Variants in DOT1L observed in about 807,000 individuals in gnomAD.
DOT1L encodes DOT1 like histone lysine methyltransferase.
A neutral mutation model predicts 153.3 loss-of-function variants in DOT1L; 33 were observed. The observed-to-expected ratio is 0.22, with a 90% CI of 0.16 to 0.29. The LOEUF is 0.29. DOT1L is among the 10% of genes least tolerant of loss of function. DOT1L has a pLI of 1.00. For synonymous variants in DOT1L, 1,135 were observed against 965.1 expected, an observed-to-expected ratio of 1.18 and a Z score of -3.26; for missense variants, 1,847 against 2,119.9, an observed-to-expected ratio of 0.87 and a Z score of 2.53.
In DOT1L at chr19:2,193,895, C is replaced by A; in HGVS notation, c.588+112C>A. ...GGGACTTCCGAGTCTGGGTGGCGTT[C>A]TTTCCAGGCCCAAGACGTCTTGGTT... On this transcript the variant is annotated intron_variant, in intron 6 of 27. Coordinates refer to ENST00000398665, the MANE Select transcript of DOT1L (RefSeq NM_032482.3). This position sits in a 1 kb window ranked among gnomAD's most constrained non-coding sequence, Gnocchi z 5.9. 8.8e-7 allele frequency: 1 copy of A among 1,136,214 alleles called. No individual in the cohort carries two copies. The highest frequency in any genetic ancestry group is 1.3e-6 in the Non-Finnish European group (1 of 797,628). 70.4% of individuals were successfully genotyped at this position (1,136,214 alleles called of 1,614,324 possible). A position where few individuals can be genotyped will look rare whatever the true frequency, so the allele number is the denominator to read the frequency against.
chr19:2,222,074 T>C lies in DOT1L; in HGVS notation c.2905T>C (p.Ser969Pro). 1 of 1,613,422 alleles carries C rather than the reference T, an allele frequency of 6.2e-7. No homozygotes were observed. Among genetic ancestry groups the C allele is most frequent in the East Asian group, 2.2e-5 (1 of 44,874 alleles). The change falls in exon 24 of 28, where the codon TCC (serine) becomes CCC (proline). Residue 969 changes from serine (S) to proline (P), a missense_variant. Transcript: ENST00000398665. This position sits in a 1 kb window ranked among gnomAD's most constrained non-coding sequence, Gnocchi z 6.5. ...GAEPATLDES[S>P]SSGSLFATVG... The stretch of plus-strand genomic sequence containing the variant: ...CGAGCCGGCCACCTTGGATGAGTCC[T>C]CCAGCTCTGGGAGCCTTTTTGCCAC...
At chr19:2,201,523 C>T (rs1381937315) in intron 8 of DOT1L, among the ~76,000 whole-genome samples, 1 of 152,204 alleles carries the variant, frequency 6.6e-6, no homozygotes, top group Admixed American at 6.5e-5. Context: ...ATGGGGGTTT[C>T]TTTTCCCAAA....
intron 1 of DOT1L, 113 bp from the exon 2 acceptor site, chr19:2,180,600 C>A: frequency 7.6e-7 from 1 of 1,311,604 alleles, no homozygotes; most frequent in South Asian, 1.4e-5. Context: ...GGAGCTGCAC[C>A]AGTTGGGAAA....
chr19:2,216,733 C>T lies in DOT1L; in HGVS notation c.2376C>T (p.Pro792=), dbSNP rs1368748420. ...RRHLSQDHTV[P]GRPAASELHS... ...ACCTGAGCCAGGACCACACGGTGCC[C>T]GGCAGGCCGGCTGCCAGTGAGCTGC... Residue 792 remains proline (P), a synonymous_variant, in exon 20 of 28, where the codon CCC becomes CCT. Coordinates refer to ENST00000398665, the MANE Select transcript of DOT1L (RefSeq NM_032482.3). The T allele has an allele frequency of 2.4e-5, 38 of 1,595,998 alleles. No homozygotes were observed. Among genetic ancestry groups the T allele is most frequent in the Middle Eastern group, 1.7e-4 (1 of 5,846 alleles).
Position 2,220,233 on chromosome 19 carries a change from T to C in DOT1L, c.2806+11T>C, listed in dbSNP as rs780124236. The stretch of plus-strand genomic sequence containing the variant: ...CCCTGGCCCCCGCAGGTAACGCCCC[T>C]CCTGTGCCCTACCCTCAGGACTCTG... On this transcript the variant is annotated intron_variant, in intron 23 of 27. Transcript: ENST00000398665. This position sits in a 1 kb window ranked among gnomAD's most constrained non-coding sequence, Gnocchi z 4.5. The C allele has an allele frequency of 6.2e-7, 1 of 1,608,706 alleles. No homozygotes were observed.
chr19:2,201,460 G>C (rs1026301610), intron 8 of DOT1L, among the ~76,000 whole-genome samples: 1 of 152,160 alleles, frequency 6.6e-6, no homozygotes, highest in African/African-American at 2.4e-5. Context: ...GGGTGTGCTC[G>C]TGGCTTGTGG....
chr19:2,211,240 G>A (rs1294255119), intron 15 of DOT1L, 28 bp downstream of exon 15: 6 of 1,573,704 alleles, frequency 3.8e-6, no homozygotes, highest in Non-Finnish European at 5.2e-6. Flanking sequence ...GTCCGGCGAA[G>A]GGTTCTGGGC....
In DOT1L at chr19:2,177,081, A is replaced by G. The variant is rs549220528; in HGVS notation, c.82-3632A>G. On this transcript the variant is annotated intron_variant, in intron 1 of 27. Coordinates refer to ENST00000398665, the MANE Select transcript of DOT1L (RefSeq NM_032482.3). ...CCAGTGCTTCCGGCTGCACCCTGCA[A>G]CATCCCGCAGCAGTCTGTGGGGGTC... is the stretch of plus-strand genomic sequence containing the variant. Among the ~76,000 whole-genome samples, 120 of 152,266 alleles carry G rather than the reference A, an allele frequency of 7.9e-4. 1 individual carries two copies. Among genetic ancestry groups the G allele is most frequent in the African/African-American group, 2.8e-3 (116 of 41,552 alleles).
intron 2 of DOT1L, among the ~76,000 whole-genome samples, chr19:2,181,820 C>T (rs1003587774): frequency 1.3e-4 from 19 of 151,896 alleles, no homozygotes; most frequent in Admixed American, 3.3e-4. Context: ...ATGCTTCTGG[C>T]GGCCAGCCGC....
chr19:2,207,161 G>T lies in DOT1L; in HGVS notation c.856+364G>T, dbSNP rs1286358741. Among the ~76,000 whole-genome samples the T allele has an allele frequency of 6.6e-6, 1 of 152,212 alleles. No homozygotes were observed. Among genetic ancestry groups the T allele is most frequent in the Non-Finnish European group, 1.5e-5 (1 of 68,024 alleles). The stretch of plus-strand genomic sequence containing the variant: ...CCGGCCCCTCCCATGCCCCCTGCCT[G>T]CCTTACTGTGCTGCGTGCTCTGTCA... On this transcript the variant is annotated intron_variant, in intron 10 of 27. Transcript: ENST00000398665. This position sits in a 1 kb window ranked among gnomAD's most constrained non-coding sequence, Gnocchi z 4.5.
chr19:2,189,611 G>A, intron 3 of DOT1L, 121 bp from the exon 4 acceptor site: 1 of 1,078,384 alleles, frequency 9.3e-7, no homozygotes, highest in Non-Finnish European at 1.4e-6. Flanking sequence ...TTGGCCAGCT[G>A]GCTGGTGGCT....
At chr19:2,201,238 GTCCTCCCCT>G (rs2023266784) in intron 8 of DOT1L, among the ~76,000 whole-genome samples, 1 of 129,754 alleles carries the variant, frequency 7.7e-6, no homozygotes, top group Non-Finnish European at 1.6e-5. Flanking sequence ...TGCATTCCTC[GTCCTCCCCT>G]CATTCCTCGT....
Position 2,193,063 on chromosome 19 carries a change from T to G in DOT1L, c.494-626T>G, listed in dbSNP as rs191469250. 4.3e-4 allele frequency among the ~76,000 whole-genome samples: 66 copies of G among 152,274 alleles called. 1 individual carries two copies. The East Asian group carries it at 8.9e-3, about 21-fold the overall frequency. ...AGGAGAGGTGGCTTGACACCCCCGG[T>G]GTGCGCCGCTGCCTCCACCCTCCTG... is the stretch of plus-strand genomic sequence containing the variant. On this transcript the variant is annotated intron_variant, in intron 5 of 27. Coordinates refer to ENST00000398665, the MANE Select transcript of DOT1L (RefSeq NM_032482.3). This position sits in a 1 kb window ranked among gnomAD's most constrained non-coding sequence, Gnocchi z 5.9.
At position 2,226,416 on chromosome 19, in the gene DOT1L, T is replaced by A. The variant is rs200251876; in HGVS notation, c.3895T>A (p.Ser1299Thr). 2.1e-4 allele frequency: 338 copies of A among 1,599,026 alleles called. No individual in the cohort carries two copies. In the African/African-American group the frequency reaches 3.8e-3, roughly 18 times the overall value. ...TCACCCCAGGAAAGGCTTTCCCGGCTCCCTGTCGGGGGCTGACGGACTCAG... is the reference window on the plus strand; with the variant it reads ...TCACCCCAGGAAAGGCTTTCCCGGCACCCTGTCGGGGGCTGACGGACTCAG... ...AAHPRKGFPGSLSGADGLSPG... is the reference protein window; with the variant it reads ...AAHPRKGFPGTLSGADGLSPG... Residue 1299 changes from serine (S) to threonine (T), a missense_variant, in exon 27 of 28, where the codon TCC (serine) becomes ACC (threonine). Transcript: ENST00000398665.
At position 2,174,903 on chromosome 19, in the gene DOT1L, C is replaced by T. The variant is rs563708514; in HGVS notation, c.82-5810C>T. On this transcript the variant is annotated intron_variant, in intron 1 of 27. Transcript: ENST00000398665. ...CCTCCCGCCTCAACCTCCCAGAGTG[C>T]TGGGATTACAGGCATAAGCCATTAT... Among the ~76,000 whole-genome samples the T allele has an allele frequency of 3.1e-3, 464 of 151,708 alleles. 2 individuals are homozygous for T. The highest frequency in any genetic ancestry group is 5.2e-3 in the Non-Finnish European group (354 of 67,966).
At chr19:2,171,801 T>C (rs1223423090) in intron 1 of DOT1L, among the ~76,000 whole-genome samples, 8 of 152,126 alleles carry the variant, frequency 5.3e-5, no homozygotes, top group African/African-American at 1.4e-4. Flanking sequence ...GTTAGCGTAA[T>C]GGGAGTGTAT....
chr19:2,164,615 C>A (rs963723615), intron 1 of DOT1L: 4 of 201,860 alleles, frequency 2.0e-5, no homozygotes, highest in Admixed American at 6.0e-5. Flanking sequence ...TCGTTCCCGG[C>A]GCTGTCAGTG....
In DOT1L at chr19:2,189,750, G is replaced by A. The variant is rs150316325; in HGVS notation, c.219G>A (p.Arg73=). 4,064 of 1,611,814 alleles carry A rather than the reference G, an allele frequency of 2.5e-3. 41 individuals carry two copies. In the East Asian group the frequency reaches 0.028, roughly 11 times the overall value. ...TTTTCAGCTTCGAGAGCATGCAGAG[G>A]CTCTGCGACAAGTACAACCGTGCCA... ...YDTKSFESMQ[R]LCDKYNRAID... The change falls in exon 4 of 28, where the codon AGG becomes AGA. Residue 73 remains arginine, a synonymous_variant. Transcript: ENST00000398665.
At chr19:2,167,088 G>A (rs750216953) in intron 1 of DOT1L, among the ~76,000 whole-genome samples, 22 of 152,328 alleles carry the variant, frequency 1.4e-4, no homozygotes, top group Non-Finnish European at 2.2e-4. Context: ...TTGTTGACGT[G>A]TTTGCCTGTG....
Sources: gnomAD v4.1 joint callset for allele counts (sites outside exome capture counted in the v4.1 genomes callset) on GRCh38, gnomAD v4.1.1 for gene constraint, Gnocchi (gnomAD v3.1) non-coding constraint, MANE v1.5 for transcripts, NCBI Gene and HGNC (gene_info 2026-07-23, HGNC 2026-07-21) for gene names.